Variants in SNX3 observed in about 807,000 individuals in gnomAD.
SNX3 encodes sorting nexin-3.
A neutral mutation model predicts 17.7 loss-of-function variants in SNX3; 5 were observed. The ratio of observed to expected loss-of-function variants is 0.28; its 90% confidence interval spans 0.15 to 0.59. SNX3 has a LOEUF of 0.59. Ranked by LOEUF, SNX3 falls within the 20% of genes least tolerant of loss-of-function variation. SNX3 has a pLI of 0.88. For missense variants in SNX3, 132 were observed against 206.8 expected (o/e 0.64, Z 2.22); for synonymous variants, 91 against 76.5 (o/e 1.19, Z -0.99).
intron 1 of SNX3, among the ~76,000 whole-genome samples, chr6:108,251,937 C>T (rs1397724835): frequency 6.6e-6 from 1 of 151,748 alleles, no homozygotes; most frequent in Non-Finnish European, 1.5e-5. Context: ...TGGTGCACGA[C>T]CTATATATTC....
intron 1 of SNX3, among the ~76,000 whole-genome samples, chr6:108,238,242 A>C (rs1351038727): frequency 2.6e-5 from 4 of 152,122 alleles, no homozygotes; most frequent in Non-Finnish European, 5.9e-5. Flanking sequence ...AAGAATTATA[A>C]GAGGATACCC....
chr6:108,211,420 T>TTCTC lies in SNX3; in HGVS notation c.*728_*729insGAGA, dbSNP rs1774402000. The TTCTC allele has an allele frequency of 1.3e-5, 2 of 152,240 alleles. No individual in the cohort carries two copies. Among genetic ancestry groups the TTCTC allele is most frequent in the Admixed American group, 1.3e-4 (2 of 15,276 alleles). 9.4% of individuals were successfully genotyped at this position (152,240 alleles called of 1,614,324 possible). On this transcript the variant is annotated 3_prime_UTR_variant, in exon 4 of 4. Coordinates refer to ENST00000230085, the MANE Select transcript of SNX3 (RefSeq NM_003795.6). Reference sequence around the variant, plus strand: ...TTTAAAGGGAATGGAGTTACAGGAATGAGAAGTATATAATTAGTAAATAAT... The same window carrying TTCTC: ...TTTAAAGGGAATGGAGTTACAGGAATTCTCGAGAAGTATATAATTAGTAAATAAT...
chr6:108,251,763 G>A (rs1168091866), intron 1 of SNX3, among the ~76,000 whole-genome samples: 1 of 152,154 alleles, frequency 6.6e-6, no homozygotes, highest in Non-Finnish European at 1.5e-5. Context: ...TAGGTTGTCA[G>A]TTAAATATTT....
intron 1 of SNX3, among the ~76,000 whole-genome samples, chr6:108,236,286 C>A (rs1024725361): frequency 6.6e-6 from 1 of 151,392 alleles, no homozygotes; most frequent in Non-Finnish European, 1.5e-5. Context: ...GAGTTCAATA[C>A]CAACCTGGCC....
At chr6:108,227,344 T>G (rs1408002743) in intron 1 of SNX3, among the ~76,000 whole-genome samples, 1 of 152,166 alleles carries the variant, frequency 6.6e-6, no homozygotes, top group Non-Finnish European at 1.5e-5. Flanking sequence ...CCCTAAGAAT[T>G]TTCATACTTC....
chr6:108,245,250 A>G (rs1265349459), intron 1 of SNX3, among the ~76,000 whole-genome samples: 1 of 152,054 alleles, frequency 6.6e-6, no homozygotes, highest in African/African-American at 2.4e-5. Context: ...TGAGGATGAT[A>G]GTTTCCAGTT....
intron 1 of SNX3, among the ~76,000 whole-genome samples, chr6:108,225,000 C>T (rs1406234649): frequency 3.3e-5 from 5 of 151,818 alleles, no homozygotes; most frequent in East Asian, 1.9e-4. Flanking sequence ...AAAAAATATG[C>T]GGCAGGGCGC....
intron 1 of SNX3, among the ~76,000 whole-genome samples, chr6:108,258,358 T>C (rs1776090758): frequency 6.6e-6 from 1 of 151,178 alleles, no homozygotes; most frequent in Admixed American, 6.6e-5. Flanking sequence ...CTCAGGAGGC[T>C]GAGGCAGGAG....
At chr6:108,218,832 G>C (rs1278814037) in intron 2 of SNX3, among the ~76,000 whole-genome samples, 1 of 152,234 alleles carries the variant, frequency 6.6e-6, no homozygotes, top group African/African-American at 2.4e-5. Context: ...AGACTAGCAG[G>C]TGGTTGCCAT....
intron 1 of SNX3, among the ~76,000 whole-genome samples, chr6:108,257,216 A>C (rs1776056542): frequency 6.6e-6 from 1 of 152,224 alleles, no homozygotes. Context: ...AACATTTAGA[A>C]AATAATAAAT....
At chr6:108,258,705 C>G (rs1776102586) in intron 1 of SNX3, among the ~76,000 whole-genome samples, 1 of 151,906 alleles carries the variant, frequency 6.6e-6, no homozygotes, top group Non-Finnish European at 1.5e-5. Context: ...GAAGGGGTTT[C>G]AACGTGTTGC....
Position 108,219,891 on chromosome 6 carries a change from C to T in SNX3, c.258+3059G>A, listed in dbSNP as rs1321676362. Among the ~76,000 whole-genome samples the T allele has an allele frequency of 5.9e-5, 9 of 152,018 alleles. No individual in the cohort carries two copies. In the East Asian group the frequency reaches 1.5e-3, roughly 26 times the overall value. ...ACCACTTAAGATAATAACTGTGGTG[C>T]CTTAAGATTATAATGGAGGTGAAAA... On this transcript the variant is annotated intron_variant, in intron 2 of 3. Coordinates refer to ENST00000230085, the MANE Select transcript of SNX3 (RefSeq NM_003795.6).
At position 108,259,134 on chromosome 6, in the gene SNX3, A is replaced by G. The variant is rs962570384; in HGVS notation, c.162+1626T>C. Among the ~76,000 whole-genome samples, 3 of 152,380 alleles carry G rather than the reference A, an allele frequency of 2.0e-5. No homozygotes were observed. In the South Asian group the frequency reaches 6.2e-4, roughly 32 times the overall value. On this transcript the variant is annotated intron_variant, in intron 1 of 3. Coordinates refer to ENST00000230085, the MANE Select transcript of SNX3 (RefSeq NM_003795.6). ...ATGTATTACAGACAATTAGAAAAAC[A>G]TTCACTTTTCCACTAGGTTTATGTA... is the stretch of plus-strand genomic sequence containing the variant.
intron 1 of SNX3, among the ~76,000 whole-genome samples, chr6:108,250,123 C>A (rs1469670538): frequency 1.3e-5 from 2 of 152,090 alleles, no homozygotes; most frequent in African/African-American, 4.8e-5. Context: ...GTTGGTCAGG[C>A]TGGTCTTGAA....
chr6:108,244,437 T>C lies in SNX3; in HGVS notation c.162+16323A>G, dbSNP rs946701702. On this transcript the variant is annotated intron_variant, in intron 1 of 3. Coordinates refer to ENST00000230085, the MANE Select transcript of SNX3 (RefSeq NM_003795.6). The stretch of plus-strand genomic sequence containing the variant: ...TCCAAAGTGCTGGCATTACAGGAGA[T>C]AGCCACTGTACCTGGCCCCTCCATA... 3.9e-5 allele frequency among the ~76,000 whole-genome samples: 6 copies of C among 152,212 alleles called. No homozygotes were observed. The East Asian group carries it at 9.7e-4, about 24-fold the overall frequency.
At chr6:108,221,868 T>C (rs1774786321) in intron 2 of SNX3, among the ~76,000 whole-genome samples, 1 of 152,152 alleles carries the variant, frequency 6.6e-6, no homozygotes, top group South Asian at 2.1e-4. Flanking sequence ...GTCTGGTCTT[T>C]TGGTAAAGTT....
chr6:108,226,061 A>AG (rs1224553224), intron 1 of SNX3, among the ~76,000 whole-genome samples: 1 of 151,774 alleles, frequency 6.6e-6, no homozygotes, highest in African/African-American at 2.4e-5. Context: ...AAAAAAAAAA[A>AG]AAAAAAAAGG....
chr6:108,257,554 T>C (rs1331518004), intron 1 of SNX3, among the ~76,000 whole-genome samples: 1 of 152,186 alleles, frequency 6.6e-6, no homozygotes, highest in Admixed American at 6.6e-5. Context: ...ATTCATGTCA[T>C]AGCCACTCTG....
chr6:108,218,844 G>A (rs960569917), intron 2 of SNX3, among the ~76,000 whole-genome samples: 1 of 152,214 alleles, frequency 6.6e-6, no homozygotes, highest in East Asian at 1.9e-4. Context: ...GGTTGCCATA[G>A]GCTGAGTGAG....
Sources: gnomAD v4.1 joint callset for allele counts (sites outside exome capture counted in the v4.1 genomes callset) on GRCh38, gnomAD v4.1.1 for gene constraint, MANE v1.5 for transcripts, NCBI Gene and HGNC (gene_info 2026-07-23, HGNC 2026-07-21) for gene names.